ELMOD1: variants seen among roughly 807,000 people sequenced by gnomAD.
The protein encoded by ELMOD1 is ELMO domain containing 1, also known as ELMO domain-containing protein 1.
Under a neutral mutation model 46.7 loss-of-function variants are expected in ELMOD1, and 21 were observed. The ratio of observed to expected loss-of-function variants is 0.45; its 90% CI spans 0.32 to 0.65. ELMOD1 has a LOEUF of 0.65. Ranked by LOEUF, ELMOD1 falls within the 30% of genes least tolerant of loss-of-function variation. The pLI is 0.04. For missense variants in ELMOD1, 348 were observed against 407.8 expected, an observed-to-expected ratio of 0.85 and a Z score of 1.26; for synonymous variants, 122 against 138.2, an observed-to-expected ratio of 0.88 and a Z score of 0.82.
At chr11:107,664,831 A>C (rs778142082) in intron 11 of ELMOD1, among the ~76,000 whole-genome samples, 194 bp from the exon 12 acceptor site, 8 of 152,108 alleles carry the variant, frequency 5.3e-5, no homozygotes, top group Non-Finnish European at 8.8e-5. Flanking sequence ...AAGCTTGCAG[A>C]TTGGTAGGCT....
intron 1 of ELMOD1, among the ~76,000 whole-genome samples, chr11:107,599,083 G>C (rs755901434): frequency 6.6e-6 from 1 of 152,264 alleles, no homozygotes; most frequent in East Asian, 1.9e-4. Context: ...TGGTATTTTC[G>C]AACTAGTGCT....
intron 1 of ELMOD1, 45 bp from the exon 2 acceptor site, chr11:107,618,060 C>T: frequency 9.0e-7 from 1 of 1,113,534 alleles, no homozygotes. Flanking sequence ...TTGCAGCTTC[C>T]AGCCTTATTA....
chr11:107,645,516 G>C (rs1866413996), intron 6 of ELMOD1, among the ~76,000 whole-genome samples: 1 of 151,638 alleles, frequency 6.6e-6, no homozygotes, highest in Non-Finnish European at 1.5e-5. Context: ...GTAGGGATGG[G>C]GTTTCACTAT....
At chr11:107,657,522 C>G (rs761517180) in intron 11 of ELMOD1, among the ~76,000 whole-genome samples, 3 of 152,134 alleles carry the variant, frequency 2.0e-5, no homozygotes, top group Non-Finnish European at 2.9e-5. Context: ...AGCAAGACCC[C>G]ATCTCAATCA....
intron 6 of ELMOD1, among the ~76,000 whole-genome samples, chr11:107,640,317 G>C (rs1322678471): frequency 1.3e-5 from 2 of 152,110 alleles, no homozygotes; most frequent in Non-Finnish European, 2.9e-5. Context: ...TCAATATTTA[G>C]CAAGTTTGTT....
At position 107,616,121 on chromosome 11, in the gene ELMOD1, A is replaced by C. The variant is rs1865859644; in HGVS notation, c.-85-1984A>C. Among the ~76,000 whole-genome samples the C allele has an allele frequency of 2.7e-5, 4 of 147,550 alleles. No individual in the cohort carries two copies. The South Asian group carries it at 8.5e-4, about 31-fold the overall frequency. On this transcript the variant is annotated intron_variant, in intron 1 of 11. Transcript: ENST00000265840. ...AGCAATTCTCCTGCCTCAGCCTCCC[A>C]AGTAGCTGGGATTACAGGTGCCCAC...
intron 1 of ELMOD1, among the ~76,000 whole-genome samples, chr11:107,606,693 G>T (rs1046502348): frequency 3.3e-5 from 5 of 152,218 alleles, no homozygotes; most frequent in African/African-American, 1.2e-4. Flanking sequence ...AAATTAGCCG[G>T]GTGTGGTGGC....
intron 6 of ELMOD1, among the ~76,000 whole-genome samples, chr11:107,638,989 A>T (rs890980540): frequency 6.6e-6 from 1 of 151,664 alleles, no homozygotes; most frequent in South Asian, 2.1e-4. Flanking sequence ...TCCACAAAAA[A>T]TTTTTTAATA....
At chr11:107,611,016 A>G (rs1051246530) in intron 1 of ELMOD1, among the ~76,000 whole-genome samples, 1 of 151,394 alleles carries the variant, frequency 6.6e-6, no homozygotes, top group Non-Finnish European at 1.5e-5. Context: ...AAAAAAAAAA[A>G]AGAAAACCTA....
intron 1 of ELMOD1, among the ~76,000 whole-genome samples, chr11:107,595,582 C>T (rs538910102): frequency 9.9e-5 from 15 of 152,192 alleles, no homozygotes; most frequent in African/African-American, 3.6e-4. Context: ...GGAATATCAC[C>T]CAGAGAGAAC....
In ELMOD1 at chr11:107,618,194, A is replaced by C; in HGVS notation, c.5A>C (p.Lys2Thr). Residue 2 changes from lysine (K) to threonine (T), a missense_variant, in exon 2 of 12, where the codon AAG (lysine) becomes ACG (threonine). Transcript: ENST00000265840. ...TGGACAGTCAACACGGGCACCATGAAGCACTTCCTGAGGTATGTGTTTACG... is the reference window on the plus strand; with the variant it reads ...TGGACAGTCAACACGGGCACCATGACGCACTTCCTGAGGTATGTGTTTACG... MKHFLRMLIQVC... is the reference protein window; with the variant it reads MTHFLRMLIQVC... 1 of 1,567,008 alleles carries C rather than the reference A, an allele frequency of 6.4e-7. No homozygotes were observed. Among genetic ancestry groups the C allele is most frequent in the Admixed American group, 1.9e-5 (1 of 53,156 alleles).
At chr11:107,630,844 C>A in intron 4 of ELMOD1, 116 bp downstream of exon 4, 2 of 998,430 alleles carry the variant, frequency 2.0e-6, no homozygotes, top group South Asian at 3.1e-5. Flanking sequence ...CTACTGCCAA[C>A]TGAGAAGAAA....
intron 2 of ELMOD1, among the ~76,000 whole-genome samples, chr11:107,619,133 G>A (rs2135674641): frequency 6.6e-6 from 1 of 152,214 alleles, no homozygotes; most frequent in East Asian, 1.9e-4. Flanking sequence ...AGTGGTTTTG[G>A]TTCCATTGTT....
At chr11:107,644,829 C>T (rs112254990) in intron 6 of ELMOD1, among the ~76,000 whole-genome samples, 1 of 152,082 alleles carries the variant, frequency 6.6e-6, no homozygotes, top group East Asian at 1.9e-4. Context: ...CATTATTATT[C>T]AAATGAATGT....
chr11:107,630,057 A>C (rs1866109191), intron 2 of ELMOD1, among the ~76,000 whole-genome samples: 1 of 152,188 alleles, frequency 6.6e-6, no homozygotes, highest in Admixed American at 6.5e-5. Context: ...TTCTTCCCCC[A>C]CGTCAAAGGG....
intron 1 of ELMOD1, chr11:107,591,870 C>CGGGGCCGCCGGACTGT: frequency 2.1e-6 from 1 of 483,094 alleles, no homozygotes; most frequent in Non-Finnish European, 4.3e-6. Flanking sequence ...AGCCGGGCTG[C>CGGGGCCGCCGGACTGT]GGGGCCGCCG....
intron 6 of ELMOD1, among the ~76,000 whole-genome samples, chr11:107,640,955 G>A (rs1437281077): frequency 1.3e-5 from 2 of 152,130 alleles, no homozygotes; most frequent in African/African-American, 4.8e-5. Flanking sequence ...TTTGTGGAGA[G>A]GGGATATAAC....
At chr11:107,629,476 T>A (rs1866099857) in intron 2 of ELMOD1, among the ~76,000 whole-genome samples, 2 of 152,224 alleles carry the variant, frequency 1.3e-5, no homozygotes, top group Non-Finnish European at 2.9e-5. Context: ...TAATAAGTCC[T>A]CTTTACCACT....
chr11:107,658,023 AG>A (rs1866664339), intron 11 of ELMOD1, among the ~76,000 whole-genome samples: 1 of 147,236 alleles, frequency 6.8e-6, no homozygotes, highest in Admixed American at 6.7e-5. Flanking sequence ...TACAAAGTAA[AG>A]AAAAGGGTGA....
Sources: gnomAD v4.1 joint callset for allele counts (sites outside exome capture counted in the v4.1 genomes callset) on GRCh38, gnomAD v4.1.1 for gene constraint, MANE v1.5 for transcripts, NCBI Gene and HGNC (gene_info 2026-07-23, HGNC 2026-07-21) for gene names.